CIITA: variants seen among roughly 807,000 people sequenced by gnomAD.
CIITA encodes class II major histocompatibility complex transactivator, also known as MHC class II transactivator.
Under a neutral mutation model 115.1 loss-of-function variants are expected in CIITA, and 72 were observed. The observed-to-expected ratio is 0.63, with a 90% confidence interval of 0.52 to 0.76. The LOEUF (loss-of-function observed/expected upper bound fraction) is 0.76. Among genes scored for constraint, CIITA ranks in the 30% least tolerant of loss-of-function variants. The pLI is 0.00. For synonymous variants in CIITA, 763 were observed against 635.6 expected, an observed-to-expected ratio of 1.20 and a Z score of -3.02; for missense variants, 1,617 against 1,463.8, an observed-to-expected ratio of 1.10 and a Z score of -1.71.
intron 13 of CIITA, 23 bp from the exon 14 acceptor site, chr16:10,915,547 T>C: frequency 6.3e-7 from 1 of 1,598,992 alleles, no homozygotes; most frequent in Non-Finnish European, 8.6e-7. Flanking sequence ...CTGGAGGTCT[T>C]ACCCTTGCTC....
chr16:10,941,389 G>A (rs1345189481), downstream of CIITA: 3 of 383,244 alleles, frequency 7.8e-6, no homozygotes, highest in African/African-American at 6.4e-5. This position sits in a 1 kb window ranked among gnomAD's most constrained non-coding sequence, Gnocchi z 6.4. Context: ...GCTGGAGGAA[G>A]CTTTCCAGCC....
upstream of CIITA, among the ~76,000 whole-genome samples, chr16:10,873,499 G>T (rs1056354702): frequency 2.6e-5 from 4 of 152,200 alleles, no homozygotes; most frequent in Non-Finnish European, 4.4e-5. Context: ...GGGAACTCGA[G>T]CTTTGCAGGA....
At chr16:10,908,301 T>A (rs896491051) in intron 11 of CIITA, 152 bp downstream of exon 11, 69 of 971,120 alleles carry the variant, frequency 7.1e-5, no homozygotes, top group Non-Finnish European at 9.7e-5. Flanking sequence ...ATGAGGATGT[T>A]GAGGCTCAGA....
rs1289031410 is a variant in CIITA at position 10,901,313 on chromosome 16, C to T, written c.437-201C>T. Among the ~76,000 whole-genome samples, 1 of 152,172 alleles carries T rather than the reference C, an allele frequency of 6.6e-6. No individual in the cohort carries two copies. Among genetic ancestry groups the T allele is most frequent in the Non-Finnish European group, 1.5e-5 (1 of 68,032 alleles). On this transcript the variant is annotated intron_variant, in intron 5 of 19. Transcript: ENST00000324288. The surrounding 1 kb of genome is among the most constrained non-coding windows in gnomAD (Gnocchi z 6.8). ...TGACTCGGCCTCTTCTGCTGCTACA[C>T]TGCCTGGTATGGTTTGAGATGGGGT...
At position 10,910,126 on chromosome 16, in the gene CIITA, C is replaced by G. The variant is rs1031959329; in HGVS notation, c.2817-62C>G. 10 of 1,447,168 alleles carry G rather than the reference C, an allele frequency of 6.9e-6. No homozygotes were observed. In the South Asian group the frequency reaches 7.0e-5, roughly 10 times the overall value. The allele number at this position is 1,447,168 out of a possible 1,614,324, so 89.6% of individuals were successfully genotyped here. A position where few individuals can be genotyped will look rare whatever the true frequency, so the allele number is the denominator to read the frequency against. On this transcript the variant is annotated intron_variant, in intron 12 of 19. Transcript: ENST00000324288. ...GGCACTGGGGCAGCCATCATGGGACCCATGGGTAAGGGCTCAGTGACAGCA... is the reference window on the plus strand; with the variant it reads ...GGCACTGGGGCAGCCATCATGGGACGCATGGGTAAGGGCTCAGTGACAGCA...
At chr16:10,883,151 C>G (rs954082637) in intron 1 of CIITA, among the ~76,000 whole-genome samples, 2 of 152,074 alleles carry the variant, frequency 1.3e-5, no homozygotes, top group African/African-American at 4.8e-5. Context: ...CCGGATGGGT[C>G]AGGACTGGAG....
At chr16:10,881,346 T>TG (rs1404598951) in intron 1 of CIITA, among the ~76,000 whole-genome samples, 2 of 151,874 alleles carry the variant, frequency 1.3e-5, no homozygotes, top group African/African-American at 4.8e-5. Flanking sequence ...CATAGGCAGA[T>TG]GGGAGGTTTC....
chr16:10,884,846 G>A (rs1468089361), intron 1 of CIITA, among the ~76,000 whole-genome samples: 1 of 152,042 alleles, frequency 6.6e-6, no homozygotes, highest in Non-Finnish European at 1.5e-5. Flanking sequence ...GGTACCCAGG[G>A]CCAGTCCCCT....
chr16:10,870,378 C>T (rs1288093888), intron 1 of CIITA, among the ~76,000 whole-genome samples: 1 of 152,108 alleles, frequency 6.6e-6, no homozygotes, highest in Non-Finnish European at 1.5e-5. Flanking sequence ...TTAGGGGTTT[C>T]GCTCTGTGCT....
chr16:10,918,292 G>A, intron 15 of CIITA, 148 bp from the exon 16 acceptor site: 3 of 792,232 alleles, frequency 3.8e-6, no homozygotes. Flanking sequence ...CTTGGCCACA[G>A]GACCTAACAG....
chr16:10,895,226 T>C, intron 1 of CIITA, 56 bp from the exon 2 acceptor site: 1 of 1,607,218 alleles, frequency 6.2e-7, no homozygotes, highest in Non-Finnish European at 8.5e-7. Flanking sequence ...TAGGTGTCAA[T>C]TTTCTGCCTC....
At chr16:10,885,433 C>T (rs760445344) in intron 1 of CIITA, among the ~76,000 whole-genome samples, 1 of 152,204 alleles carries the variant, frequency 6.6e-6, no homozygotes, top group Non-Finnish European at 1.5e-5. Context: ...TTTCCAGGCC[C>T]ATAAGCCCCT....
At chr16:10,877,193 T>C, upstream of CIITA, 1 of 755,408 alleles carries the variant, frequency 1.3e-6, no homozygotes, top group Non-Finnish European at 2.4e-6. Flanking sequence ...TCCCAACTGG[T>C]GACTGGTTAG....
chr16:10,872,784 C>G (rs2035575309), upstream of CIITA, among the ~76,000 whole-genome samples: 1 of 152,160 alleles, frequency 6.6e-6, no homozygotes. Context: ...TATTTAGCAC[C>G]TGCTAGAAAT....
rs533765107 is a variant in CIITA at position 10,901,826 on chromosome 16, C to T, written c.482-212C>T. 3.5e-4 allele frequency: 263 copies of T among 758,844 alleles called. 1 individual carries two copies. Among genetic ancestry groups the T allele is most frequent in the Middle Eastern group, 7.8e-4 (2 of 2,566 alleles). 47.0% of individuals were successfully genotyped at this position (758,844 alleles called of 1,614,324 possible). On this transcript the variant is annotated intron_variant, in intron 6 of 19. Transcript: ENST00000324288. The surrounding 1 kb of genome is among the most constrained non-coding windows in gnomAD (Gnocchi z 6.8). Reference sequence around the variant, plus strand: ...TCCGTGTGGAGGCCCTAGGGTCCTGCTCAGCATAGCTCTCAGAGCCAAGTC... The same window carrying T: ...TCCGTGTGGAGGCCCTAGGGTCCTGTTCAGCATAGCTCTCAGAGCCAAGTC...
chr16:10,899,399 G>T (rs1197969431), intron 5 of CIITA, among the ~76,000 whole-genome samples: 1 of 98,212 alleles, frequency 1.0e-5, no homozygotes, highest in Non-Finnish European at 3.1e-5. Flanking sequence ...AATCTTTCTG[G>T]TGTTGGCTAA....
intron 15 of CIITA, 38 bp downstream of exon 15, chr16:10,916,497 C>T: frequency 6.4e-7 from 1 of 1,550,588 alleles, no homozygotes; most frequent in Non-Finnish European, 8.8e-7. Context: ...CTGAATCGGG[C>T]CCCCAAAGTC....
chr16:10,888,484 C>T (rs1379465276), intron 1 of CIITA: 2 of 152,260 alleles, frequency 1.3e-5, no homozygotes, highest in Non-Finnish European at 2.9e-5. Flanking sequence ...TGAGTTAGAA[C>T]ATTGTGGCGA....
rs151299610 is a variant in CIITA at position 10,925,763 on chromosome 16, C to T, written c.*1908C>T. On this transcript the variant is annotated 3_prime_UTR_variant, in exon 20 of 20. Transcript: ENST00000324288. ...CAGAGCCCACCTTGGCTCAAGTCCTCTTTTCTGAGAGGACTTTTCTTTGTG... is the reference window on the plus strand; with the variant it reads ...CAGAGCCCACCTTGGCTCAAGTCCTTTTTTCTGAGAGGACTTTTCTTTGTG... The T allele has an allele frequency of 6.6e-6, 1 of 152,256 alleles. No individual in the cohort carries two copies. Among genetic ancestry groups the T allele is most frequent in the African/African-American group, 2.4e-5 (1 of 41,466 alleles). The allele number at this position is 152,256 out of a possible 1,614,324, so 9.4% of individuals were successfully genotyped here.
Sources: gnomAD v4.1 joint callset for allele counts (sites outside exome capture counted in the v4.1 genomes callset) on GRCh38, gnomAD v4.1.1 for gene constraint, Gnocchi (gnomAD v3.1) non-coding constraint, MANE v1.5 for transcripts, NCBI Gene and HGNC (gene_info 2026-07-23, HGNC 2026-07-21) for gene names.